MGAT4C: variants seen among roughly 807,000 people sequenced by gnomAD.
MGAT4C encodes the protein MGAT4 family member C, also known as alpha-1,3-mannosyl-glycoprotein 4-beta-N-acetylglucosaminyltransferase C.
A neutral mutation model predicts 40.1 loss-of-function variants in MGAT4C; 19 were observed. The observed-to-expected ratio is 0.47, with a 90% CI of 0.33 to 0.70. The LOEUF is 0.70. Among genes scored for constraint, MGAT4C ranks in the 30% least tolerant of loss-of-function variants. The pLI is 0.02. For synonymous variants in MGAT4C, 181 were observed against 187.1 expected, an observed-to-expected ratio of 0.97 and a Z score of 0.27; for missense variants, 491 against 563.2, an observed-to-expected ratio of 0.87 and a Z score of 1.30.
chr12:86,495,333 A>C (rs1374989838), intron 2 of MGAT4C: 1 of 152,138 alleles, frequency 6.6e-6, no homozygotes, highest in Non-Finnish European at 1.5e-5. Context: ...AAGAACAAAG[A>C]GAGTTTGACA....
At chr12:86,422,836 A>T (rs1956854266) in intron 3 of MGAT4C, among the ~76,000 whole-genome samples, 1 of 152,198 alleles carries the variant, frequency 6.6e-6, no homozygotes, top group Non-Finnish European at 1.5e-5. Flanking sequence ...ACTGTGACAA[A>T]CAAGTTTTTT....
At chr12:86,160,960 G>T (rs1473581610) in intron 1 of MGAT4C, among the ~76,000 whole-genome samples, 1 of 151,900 alleles carries the variant, frequency 6.6e-6, no homozygotes, top group Non-Finnish European at 1.5e-5. Context: ...TAGCCTGTGG[G>T]TGTCATTACA....
chr12:86,295,626 C>G (rs2136133336), intron 4 of MGAT4C, among the ~76,000 whole-genome samples: 1 of 152,258 alleles, frequency 6.6e-6, no homozygotes, highest in Admixed American at 6.5e-5. Flanking sequence ...TGCTTTTATT[C>G]TCTTATCTGG....
At chr12:86,168,938 T>C (rs1389745407) in intron 1 of MGAT4C, among the ~76,000 whole-genome samples, 4 of 152,200 alleles carry the variant, frequency 2.6e-5, no homozygotes, top group Non-Finnish European at 4.4e-5. Flanking sequence ...GTAGCATCAA[T>C]AACTATGTTC....
intron 2 of MGAT4C, among the ~76,000 whole-genome samples, chr12:86,701,610 C>A (rs1950366066): frequency 6.6e-6 from 1 of 152,112 alleles, no homozygotes; most frequent in South Asian, 2.1e-4. Flanking sequence ...GGCCAATTAG[C>A]AACCCTATAA....
At chr12:86,287,388 G>C (rs989212697) in intron 4 of MGAT4C, among the ~76,000 whole-genome samples, 14 of 39,026 alleles carry the variant, frequency 3.6e-4, no homozygotes, top group Non-Finnish European at 5.5e-4. Context: ...TTAAGTTCTG[G>C]GATTATGTGC....
At chr12:86,514,067 A>AACACACACACACACACAC (rs71078908) in intron 2 of MGAT4C, among the ~76,000 whole-genome samples, 3 of 134,022 alleles carry the variant, frequency 2.2e-5, no homozygotes, top group African/African-American at 8.3e-5. Context: ...GCCATGCACC[A>AACACACACACACACACAC]ACACACACAC....
intron 1 of MGAT4C, among the ~76,000 whole-genome samples, chr12:86,777,549 C>T (rs753877746): frequency 2.6e-5 from 4 of 152,104 alleles, no homozygotes; most frequent in Non-Finnish European, 4.4e-5. Context: ...GGCAGCCAGA[C>T]CCTCTGAATC....
chr12:86,139,977 T>C (rs898411561), intron 1 of MGAT4C, among the ~76,000 whole-genome samples: 5 of 152,210 alleles, frequency 3.3e-5, no homozygotes, highest in African/African-American at 1.2e-4. Flanking sequence ...TCAATGATCC[T>C]AAAATAAATT....
At chr12:86,800,373 T>C (rs1952203835) in intron 1 of MGAT4C, among the ~76,000 whole-genome samples, 1 of 151,914 alleles carries the variant, frequency 6.6e-6, no homozygotes, top group African/African-American at 2.4e-5. Flanking sequence ...CCTCCAGCTG[T>C]TGGTAATCTC....
At chr12:86,421,115 C>T (rs966460282) in intron 3 of MGAT4C, among the ~76,000 whole-genome samples, 2 of 152,152 alleles carry the variant, frequency 1.3e-5, no homozygotes, top group African/African-American at 4.8e-5. Context: ...GTAGAATATA[C>T]ACCTTTAAAC....
At chr12:86,123,700 T>C (rs1323275080) in intron 1 of MGAT4C, among the ~76,000 whole-genome samples, 4 of 152,116 alleles carry the variant, frequency 2.6e-5, no homozygotes, top group Non-Finnish European at 4.4e-5. Context: ...GTCTTTATAG[T>C]AAAAACGATT....
At chr12:86,821,460 T>A (rs1234998558) in intron 1 of MGAT4C, among the ~76,000 whole-genome samples, 2 of 150,970 alleles carry the variant, frequency 1.3e-5, no homozygotes, top group Non-Finnish European at 3.0e-5. Context: ...TCAGGGTAAT[T>A]GGATATCCAT....
chr12:86,081,614 C>A (rs578068983), intron 1 of MGAT4C, among the ~76,000 whole-genome samples: 49 of 152,136 alleles, frequency 3.2e-4, no homozygotes, highest in African/African-American at 1.1e-3. Flanking sequence ...ATATTTATTA[C>A]AAGAATTGAA....
intron 2 of MGAT4C, among the ~76,000 whole-genome samples, chr12:86,690,712 C>T (rs1344221468): frequency 6.6e-6 from 1 of 152,162 alleles, no homozygotes; most frequent in African/African-American, 2.4e-5. Context: ...GCTTTGGTCT[C>T]ACTAGGAACT....
At chr12:86,264,287 T>C (rs1952730910) in intron 4 of MGAT4C, among the ~76,000 whole-genome samples, 1 of 152,244 alleles carries the variant, frequency 6.6e-6, no homozygotes, top group Non-Finnish European at 1.5e-5. Flanking sequence ...GGTTTCCTTC[T>C]AGTATTTTTA....
rs1214060564 is a variant in MGAT4C, at chr12:85,970,932, A to C, written c.*8357T>G. 1 of 151,274 alleles carries C rather than the reference A, an allele frequency of 6.6e-6. No homozygotes were observed. Among genetic ancestry groups the C allele is most frequent in the African/African-American group, 2.4e-5 (1 of 41,368 alleles). The allele number at this position is 151,274 out of a possible 1,614,324, so 9.4% of individuals were successfully genotyped here. On this transcript the variant is annotated 3_prime_UTR_variant, in exon 5 of 5. Transcript: ENST00000611864. ...TAAAATTGCAAACTTAATCACATAA[A>C]TAATGAGATTAAAGTTAAAATGAAA...
At chr12:85,997,077 G>A (rs1337899461) in intron 2 of MGAT4C, among the ~76,000 whole-genome samples, 5 of 152,202 alleles carry the variant, frequency 3.3e-5, no homozygotes, top group Admixed American at 6.5e-5. Flanking sequence ...TGGACTTACA[G>A]TTCCACATGG....
intron 3 of MGAT4C, among the ~76,000 whole-genome samples, chr12:86,386,086 A>G (rs887520048): frequency 6.6e-6 from 1 of 152,060 alleles, no homozygotes; most frequent in African/African-American, 2.4e-5. Flanking sequence ...GCCCACCACC[A>G]CGTCTGGCTA....
Sources: allele counts gnomAD v4.1 joint callset (sites outside exome capture counted in the v4.1 genomes callset), GRCh38; gene constraint gnomAD v4.1.1; transcripts MANE v1.5; gene names NCBI Gene and HGNC (gene_info 2026-07-23, HGNC 2026-07-21).